FAM83A: variants seen among roughly 807,000 people sequenced by gnomAD.
FAM83A encodes the protein protein FAM83A.
Under a neutral mutation model 24.4 loss-of-function variants are expected in FAM83A, and 21 were observed. That is an observed-to-expected ratio of 0.86 (90% CI 0.61 to 1.24). The LOEUF (loss-of-function observed/expected upper bound fraction) is 1.24, where lower values mean the gene tolerates loss of function less well. FAM83A is among the 50% of genes most tolerant of loss of function. The probability of loss-of-function intolerance (pLI) is 0.00; values close to 1 mark genes in which losing one functional copy is unlikely to be tolerated. For missense variants in FAM83A, 617 were observed against 579.8 expected (o/e 1.06, Z -0.66); for synonymous variants, 270 against 252.4 (o/e 1.07, Z -0.66).
chr8:123,191,588 G>C (rs961678245), intron 1 of FAM83A, among the ~76,000 whole-genome samples: 2 of 152,204 alleles, frequency 1.3e-5, no homozygotes, highest in African/African-American at 4.8e-5. Flanking sequence ...TGGGACTGGA[G>C]AGATGGTATC....
intron 3 of FAM83A, among the ~76,000 whole-genome samples, chr8:123,204,534 GGGTGGATC>G (rs1347968396): frequency 1.3e-5 from 2 of 150,276 alleles, no homozygotes; most frequent in African/African-American, 4.9e-5. Context: ...AGGCCGAGGC[GGGTGGATC>G]ACGAGGTCAG....
Position 123,209,695 on chromosome 8 carries a change from A to G in FAM83A, c.*2007A>G. ...TGCCTGTGTCGAGCTCAGTCCTGGG[A>G]GATAGGGGAGAACCTGCAGGCAGGA... On this transcript the variant is annotated 3_prime_UTR_variant, in exon 4 of 4. Transcript: ENST00000690554. This position sits in a 1 kb window ranked among gnomAD's most constrained non-coding sequence, Gnocchi z 4.7. 1 of 833,298 alleles carries G rather than the reference A, an allele frequency of 1.2e-6. No homozygotes were observed. Among genetic ancestry groups the G allele is most frequent in the Non-Finnish European group, 1.9e-6 (1 of 529,516 alleles). The allele number at this position is 833,298 out of a possible 1,614,324, so 51.6% of individuals were successfully genotyped here. A position where few individuals can be genotyped will look rare whatever the true frequency, so the allele number is the denominator to read the frequency against.
chr8:123,184,281 T>G (rs1048707511), intron 1 of FAM83A, among the ~76,000 whole-genome samples: 1 of 152,074 alleles, frequency 6.6e-6, no homozygotes, highest in African/African-American at 2.4e-5. Context: ...TTCCCCAGGC[T>G]GTGTTAGGTG....
At chr8:123,182,726 GC>G (rs1563777562) in exon 1 of FAM83A, 1 of 1,357,024 alleles carries the variant, frequency 7.4e-7, no homozygotes, top group African/African-American at 1.4e-5. Flanking sequence ...TGCCCTGCAC[GC>G]CGGTCCTGGG....
At chr8:123,182,222 G>A (rs1335957632), upstream of FAM83A, 4 of 422,582 alleles carry the variant, frequency 9.5e-6, no homozygotes, top group Non-Finnish European at 1.5e-5. Flanking sequence ...GGGCAGGGAG[G>A]GGTGGGCACT....
intron 3 of FAM83A, among the ~76,000 whole-genome samples, chr8:123,203,826 G>A (rs1254906240): frequency 1.3e-5 from 2 of 150,750 alleles, no homozygotes; most frequent in Non-Finnish European, 2.9e-5. Context: ...AAATTAGCCA[G>A]CATTGTTGTA....
In FAM83A at chr8:123,209,618, C is replaced by T. The variant is rs1048424516; in HGVS notation, c.*1930C>T. 5.1e-5 allele frequency: 79 copies of T among 1,541,556 alleles called. No individual in the cohort carries two copies. Among genetic ancestry groups the T allele is most frequent in the Non-Finnish European group, 6.9e-5 (78 of 1,125,700 alleles). ...CTGAGAAAGTTTAAGGAAGGCAAAG[C>T]TTGCCAGGTCACAGAAGCTCCCAAG... On this transcript the variant is annotated 3_prime_UTR_variant, in exon 4 of 4. Coordinates refer to ENST00000690554, the Ensembl canonical transcript of FAM83A. This position sits in a 1 kb window ranked among gnomAD's most constrained non-coding sequence, Gnocchi z 4.7.
chr8:123,193,608 T>C (rs1824049214), intron 2 of FAM83A, among the ~76,000 whole-genome samples: 1 of 152,212 alleles, frequency 6.6e-6, no homozygotes, highest in East Asian at 1.9e-4. Flanking sequence ...CAAATTGTCT[T>C]AGTCCATCAC....
At chr8:123,207,798 C>T (rs969448996) in exon 4 of FAM83A, 2 of 1,405,126 alleles carry the variant, frequency 1.4e-6, no homozygotes, top group African/African-American at 3.0e-5. Flanking sequence ...TGAAAAGACA[C>T]TCAAAATCAC....
At chr8:123,199,944 A>G (rs1824292883) in intron 3 of FAM83A, 1 of 154,130 alleles carries the variant, frequency 6.5e-6, no homozygotes, top group South Asian at 2.0e-4. Flanking sequence ...CCACTCTCCA[A>G]CTAAAGAAGC....
upstream of FAM83A, chr8:123,182,105 A>G (rs751434744): frequency 2.2e-6 from 1 of 456,212 alleles, no homozygotes; most frequent in South Asian, 1.5e-5. Flanking sequence ...CCAAGAAGCC[A>G]CTTCCAGCGA....
At chr8:123,185,646 C>T (rs894447855) in intron 1 of FAM83A, among the ~76,000 whole-genome samples, 1 of 152,242 alleles carries the variant, frequency 6.6e-6, no homozygotes, top group East Asian at 1.9e-4. Context: ...CCCTTTGCCA[C>T]AGTCCCCACC....
At chr8:123,199,703 C>T (rs1409230700) in intron 3 of FAM83A, 2 of 151,784 alleles carry the variant, frequency 1.3e-5, no homozygotes, top group African/African-American at 4.8e-5. Flanking sequence ...CATTGCACTC[C>T]AGCCTGGGCA....
In FAM83A at chr8:123,182,818, C is replaced by T. The variant is rs371708485; in HGVS notation, c.-39C>T. On this transcript the variant is annotated 5_prime_UTR_variant, in exon 1 of 4. In the 5' UTR this introduces an upstream ATG that the reference lacks. Coordinates refer to ENST00000690554, the Ensembl canonical transcript of FAM83A. ...TGCTTCCCACATCTGGAGGAGCTGACGTGCCAGCCTCCCCCAGCACCACCC... is the reference window on the plus strand; with the variant it reads ...TGCTTCCCACATCTGGAGGAGCTGATGTGCCAGCCTCCCCCAGCACCACCC... 68 of 1,510,676 alleles carry T rather than the reference C, an allele frequency of 4.5e-5. No individual in the cohort carries two copies. The African/African-American group carries it at 8.2e-4, about 18-fold the overall frequency. The allele number at this position is 1,510,676 out of a possible 1,614,324, so 93.6% of individuals were successfully genotyped here. A position where few individuals can be genotyped will look rare whatever the true frequency, so the allele number is the denominator to read the frequency against.
At chr8:123,182,704 A>T (rs767460616) in exon 1 of FAM83A, 2 of 1,116,956 alleles carry the variant, frequency 1.8e-6, no homozygotes, top group South Asian at 2.7e-5. Context: ...GCGGTAAATC[A>T]CTTCTTGGAG....
chr8:123,181,094 A>G (rs946906947), upstream of FAM83A, among the ~76,000 whole-genome samples: 3 of 152,084 alleles, frequency 2.0e-5, no homozygotes, highest in African/African-American at 7.2e-5. Context: ...CTACAGGCGC[A>G]TACCACCAGG....
chr8:123,187,339 T>A (rs144071009), intron 1 of FAM83A, among the ~76,000 whole-genome samples: 38 of 152,216 alleles, frequency 2.5e-4, no homozygotes, highest in African/African-American at 8.4e-4. Context: ...CCCTGCCCTT[T>A]CGAACCACTT....
At chr8:123,188,048 T>A (rs905336646) in intron 1 of FAM83A, among the ~76,000 whole-genome samples, 2 of 151,552 alleles carry the variant, frequency 1.3e-5, no homozygotes. Flanking sequence ...TTATTATTTT[T>A]TTTTTTAGTA....
At chr8:123,187,318 C>A (rs1174381929) in intron 1 of FAM83A, among the ~76,000 whole-genome samples, 1 of 152,104 alleles carries the variant, frequency 6.6e-6, no homozygotes, top group African/African-American at 2.4e-5. Flanking sequence ...GCCCTTTCAG[C>A]GGCCGTAAGA....
Sources: gnomAD v4.1 joint callset for allele counts (sites outside exome capture counted in the v4.1 genomes callset) on GRCh38, gnomAD v4.1.1 for gene constraint, Gnocchi (gnomAD v3.1) non-coding constraint, MANE v1.5 for transcripts, NCBI Gene and HGNC (gene_info 2026-07-23, HGNC 2026-07-21) for gene names.